Variants in WDR41 observed in about 807,000 individuals in gnomAD.
WDR41 encodes the protein WD repeat domain 41.
Under a neutral mutation model 69.3 loss-of-function variants are expected in WDR41, and 63 were observed. The ratio of observed to expected loss-of-function variants is 0.91; its 90% confidence interval spans 0.74 to 1.12. The LOEUF is 1.12. Among genes scored for constraint, WDR41 ranks in the 50% most tolerant of loss-of-function variants. WDR41 has a pLI of 0.00. For missense variants in WDR41, 543 were observed against 534.5 expected (o/e 1.02, Z -0.16); for synonymous variants, 185 against 192.1 (o/e 0.96, Z 0.31).
chr5:77,433,371 A>G lies in WDR41; in HGVS notation c.1228-84T>C. On this transcript the variant is annotated intron_variant, in intron 12 of 12. Coordinates refer to ENST00000296679, the MANE Select transcript of WDR41 (RefSeq NM_018268.4). ...CCACATTAACACATGTGCGTGTGAG[A>G]TATGTGCCTTAAAGACTCCTTTGGA... 3.1e-6 allele frequency: 4 copies of G among 1,280,040 alleles called. 1 individual carries two copies. The highest frequency in any genetic ancestry group is 4.3e-6 in the Non-Finnish European group (4 of 939,978). The allele number at this position is 1,280,040 out of a possible 1,614,324, so 79.3% of individuals were successfully genotyped here.
chr5:77,607,452 T>G (rs1744445407), intron 1 of WDR41, among the ~76,000 whole-genome samples: 1 of 152,220 alleles, frequency 6.6e-6, no homozygotes, highest in South Asian at 2.1e-4. Context: ...AGAACGAGTT[T>G]TCAAGAGGGT....
chr5:77,518,767 C>T (rs901023229), intron 1 of WDR41, among the ~76,000 whole-genome samples: 1 of 152,042 alleles, frequency 6.6e-6, no homozygotes. Context: ...ATAAACCAAA[C>T]TTTCCCAAAA....
intron 5 of WDR41, among the ~76,000 whole-genome samples, chr5:77,455,895 T>A (rs1799811303): frequency 6.6e-6 from 1 of 152,092 alleles, no homozygotes; most frequent in South Asian, 2.1e-4. Flanking sequence ...TGGAACTTTG[T>A]TTTTCCATTT....
chr5:77,507,010 A>G (rs1473911825), intron 1 of WDR41, among the ~76,000 whole-genome samples: 3 of 152,220 alleles, frequency 2.0e-5, no homozygotes, highest in African/African-American at 7.2e-5. Flanking sequence ...CGTTGTGCAC[A>G]TGTACCCTAG....
chr5:77,466,978 G>C (rs3756588), intron 2 of WDR41, among the ~76,000 whole-genome samples: 9,858 of 151,630 alleles, frequency 0.065, 575 homozygotes, highest in African/African-American at 0.15. Flanking sequence ...ATCCTATTAT[G>C]ATGGATAACA....
intron 7 of WDR41, among the ~76,000 whole-genome samples, chr5:77,450,102 C>G (rs183936040): frequency 2.6e-4 from 40 of 152,264 alleles, no homozygotes; most frequent in African/African-American, 9.4e-4. Context: ...AACTCTCTTC[C>G]TTTACTGACT....
At chr5:77,562,285 G>A (rs1236980611) in intron 1 of WDR41, among the ~76,000 whole-genome samples, 1 of 152,174 alleles carries the variant, frequency 6.6e-6, no homozygotes, top group Non-Finnish European at 1.5e-5. Flanking sequence ...ATAGAGAGGT[G>A]AGTTTTCTAC....
chr5:77,501,044 T>C (rs978556425), intron 1 of WDR41, among the ~76,000 whole-genome samples: 148 of 152,262 alleles, frequency 9.7e-4, no homozygotes, highest in African/African-American at 3.5e-3. Flanking sequence ...GCACAACCCA[T>C]GTAGGGCAAG....
Position 77,447,594 on chromosome 5 carries a change from G to A in WDR41, c.697+2166C>T, listed in dbSNP as rs183940855. Among the ~76,000 whole-genome samples, 114 of 152,322 alleles carry A rather than the reference G, an allele frequency of 7.5e-4. 1 individual carries two copies. In the East Asian group the frequency reaches 0.021, roughly 28 times the overall value. The stretch of plus-strand genomic sequence containing the variant: ...TGGAATACTATGCAGCCATAAAAAG[G>A]AATGAGATCATGTCCTTTGCAGGGA... On this transcript the variant is annotated intron_variant, in intron 8 of 12. Transcript: ENST00000296679.
chr5:77,596,500 T>C (rs948582246), intron 1 of WDR41, among the ~76,000 whole-genome samples: 2 of 152,180 alleles, frequency 1.3e-5, no homozygotes, highest in South Asian at 2.1e-4. Context: ...TTGAGACTTT[T>C]TTTTTTCAGT....
intron 1 of WDR41, among the ~76,000 whole-genome samples, chr5:77,549,298 AAAT>A (rs1743255504): frequency 6.6e-6 from 1 of 152,134 alleles, no homozygotes; most frequent in Non-Finnish European, 1.5e-5. Context: ...AACAAAAGAA[AAAT>A]AATGAGTCAA....
chr5:77,464,787 C>T lies in WDR41; in HGVS notation c.190G>A (p.Gly64Arg), dbSNP rs202078849. The change falls in exon 3 of 13, where the codon GGA becomes AGA. Residue 64 changes from glycine (G) to arginine (R), a missense_variant. Coordinates refer to ENST00000296679, the MANE Select transcript of WDR41 (RefSeq NM_018268.4). ...TGGGCATTCCACACAACTACAATTC[C>T]ATCATCACCAGCAGATGCAAATCTG... is the stretch of plus-strand genomic sequence containing the variant. ...DYRFASAGDD[G>R]IVVVWNAQTG... 1.2e-6 allele frequency: 2 copies of T among 1,613,642 alleles called. No homozygotes were observed. The highest frequency in any genetic ancestry group is 2.7e-5 in the African/African-American group (2 of 74,920).
intron 1 of WDR41, among the ~76,000 whole-genome samples, chr5:77,613,024 T>C (rs1219540858): frequency 1.3e-5 from 2 of 149,820 alleles, no homozygotes; most frequent in African/African-American, 4.9e-5. Flanking sequence ...AGCCAAATCA[T>C]GAGTGAACTC....
intron 2 of WDR41, among the ~76,000 whole-genome samples, chr5:77,472,465 G>A (rs1226472776): frequency 1.3e-5 from 2 of 151,142 alleles, no homozygotes; most frequent in Non-Finnish European, 2.9e-5. Flanking sequence ...ATTCAATTAG[G>A]AAAAGAGGAA....
At chr5:77,551,885 A>G (rs970658275) in intron 1 of WDR41, among the ~76,000 whole-genome samples, 3 of 151,748 alleles carry the variant, frequency 2.0e-5, no homozygotes, top group Admixed American at 6.6e-5. Context: ...GGCTAGAGGC[A>G]TGAGAATCGC....
intron 1 of WDR41, chr5:77,546,179 C>A: frequency 2.3e-6 from 1 of 439,946 alleles, no homozygotes; most frequent in Non-Finnish European, 4.0e-6. Flanking sequence ...CCAAGTCTCC[C>A]TATAAGTAAT....
chr5:77,596,891 G>T (rs1580041439), intron 1 of WDR41, among the ~76,000 whole-genome samples: 1 of 152,240 alleles, frequency 6.6e-6, no homozygotes, highest in African/African-American at 2.4e-5. Flanking sequence ...GGTTAAGGGG[G>T]TGGATTGCTT....
chr5:77,548,802 C>T (rs1036890785), intron 1 of WDR41, among the ~76,000 whole-genome samples: 4 of 152,082 alleles, frequency 2.6e-5, no homozygotes, highest in African/African-American at 7.2e-5. Flanking sequence ...GAAAAGAAGT[C>T]ATTATATGGA....
chr5:77,453,600 A>G (rs1448286330), intron 6 of WDR41, among the ~76,000 whole-genome samples: 1 of 152,174 alleles, frequency 6.6e-6, no homozygotes, highest in African/African-American at 2.4e-5. Context: ...AGCATTGGAA[A>G]AGGTTGTTCC....
Sources: allele counts gnomAD v4.1 joint callset (sites outside exome capture counted in the v4.1 genomes callset), GRCh38; gene constraint gnomAD v4.1.1; transcripts MANE v1.5; gene names NCBI Gene and HGNC (gene_info 2026-07-23, HGNC 2026-07-21).